Variants in DAZAP1 observed in about 807,000 individuals in gnomAD.
DAZAP1 encodes DAZ-associated protein 1.
In DAZAP1, 6 loss-of-function variants were observed where a neutral mutation model predicts 60.1. That is an observed-to-expected ratio of 0.10 (90% CI 0.05 to 0.20). The LOEUF (loss-of-function observed/expected upper bound fraction) is 0.20. Among genes scored for constraint, DAZAP1 ranks in the 10% least tolerant of loss-of-function variants. DAZAP1 has a pLI of 1.00. For missense variants in DAZAP1, 366 were observed against 560.4 expected (o/e 0.65, Z 3.50); for synonymous variants, 235 against 215.9 (o/e 1.09, Z -0.78).
intron 1 of DAZAP1, among the ~76,000 whole-genome samples, chr19:1,413,960 G>T (rs1357484032): frequency 6.6e-6 from 1 of 151,298 alleles, no homozygotes; most frequent in Non-Finnish European, 1.5e-5. Flanking sequence ...CCTTTGGCAC[G>T]TGGTGCCTCT....
Position 1,423,591 on chromosome 19 carries a change from G to A in DAZAP1, c.463+1195G>A, listed in dbSNP as rs2083220944. On this transcript the variant is annotated intron_variant, in intron 6 of 11. Transcript: ENST00000233078. The surrounding 1 kb of genome is among the most constrained non-coding windows in gnomAD (Gnocchi z 6.8). ...CAGCCGCATTCCTAGACAGCGCTCA[G>A]GGCGCCTCCCCCAGGACCCAGCGCC... Among the ~76,000 whole-genome samples the A allele has an allele frequency of 1.3e-5, 2 of 152,246 alleles. No homozygotes were observed. The highest frequency in any genetic ancestry group is 2.9e-5 in the Non-Finnish European group (2 of 68,046).
intron 10 of DAZAP1, among the ~76,000 whole-genome samples, chr19:1,431,460 A>G (rs2083450773): frequency 6.6e-6 from 1 of 150,802 alleles, no homozygotes; most frequent in African/African-American, 2.5e-5. Flanking sequence ...ATGGAGTTTC[A>G]CTTTTGTTGC....
At chr19:1,415,823 C>A (rs914644605) in intron 1 of DAZAP1, 1 of 152,174 alleles carries the variant, frequency 6.6e-6, no homozygotes, top group African/African-American at 2.4e-5. Context: ...TCAGGAAGCA[C>A]AGGGCGGCTG....
chr19:1,424,120 A>G (rs1216342699), intron 6 of DAZAP1, among the ~76,000 whole-genome samples: 1 of 149,922 alleles, frequency 6.7e-6, no homozygotes, highest in Admixed American at 6.6e-5. Context: ...ACTGAAGGTC[A>G]TGGCCATGTC....
At chr19:1,419,857 CCCGA>C (rs1158992467) in intron 4 of DAZAP1, among the ~76,000 whole-genome samples, 1 of 145,832 alleles carries the variant, frequency 6.9e-6, no homozygotes, top group Non-Finnish European at 1.5e-5. Context: ...GTGAAACCAT[CCCGA>C]CCGTCACGGC....
At chr19:1,421,292 G>T in intron 5 of DAZAP1, 34 bp downstream of exon 5, 1 of 1,591,494 alleles carries the variant, frequency 6.3e-7, no homozygotes. Context: ...GCACTGTGGG[G>T]ACAGAGCCGC....
Position 1,432,960 on chromosome 19 carries a change from T to G in DAZAP1, c.1048+270T>G. On this transcript the variant is annotated intron_variant, in intron 11 of 11. Transcript: ENST00000233078. This position sits in a 1 kb window ranked among gnomAD's most constrained non-coding sequence, Gnocchi z 4.9. ...CATGTGTGGGAACCTGAGTGGCGAC[T>G]GGGTCGAGGGAAGTGAGTCGCAGGC... is the stretch of plus-strand genomic sequence containing the variant. 2.2e-6 allele frequency: 1 copy of G among 463,046 alleles called. No homozygotes were observed. The highest frequency in any genetic ancestry group is 3.9e-6 in the Non-Finnish European group (1 of 259,468). 28.7% of individuals were successfully genotyped at this position (463,046 alleles called of 1,614,324 possible). A position where few individuals can be genotyped will look rare whatever the true frequency, so the allele number is the denominator to read the frequency against.
In DAZAP1 at chr19:1,432,404, G is replaced by C; in HGVS notation, c.872-110G>C. ...CAAGGCCTGGGCGTTCTGTGGGTTT[G>C]GGTGGCAGTCCCGTCTGGGCAGCTC... On this transcript the variant is annotated intron_variant, in intron 10 of 11. Coordinates refer to ENST00000233078, the MANE Select transcript of DAZAP1 (RefSeq NM_018959.4). This position sits in a 1 kb window ranked among gnomAD's most constrained non-coding sequence, Gnocchi z 4.9. 1 of 1,142,672 alleles carries C rather than the reference G, an allele frequency of 8.8e-7. No individual in the cohort carries two copies. Among genetic ancestry groups the C allele is most frequent in the Non-Finnish European group, 1.3e-6 (1 of 769,230 alleles). 70.8% of individuals were successfully genotyped at this position (1,142,672 alleles called of 1,614,324 possible).
intron 6 of DAZAP1, among the ~76,000 whole-genome samples, chr19:1,424,912 C>T (rs904764570): frequency 2.0e-5 from 3 of 152,204 alleles, no homozygotes; most frequent in Non-Finnish European, 4.4e-5. Context: ...CCGGGGAGGC[C>T]TGGAGAGCCC....
chr19:1,417,657 T>C lies in DAZAP1; in HGVS notation c.70+117T>C, dbSNP rs1354747502. The C allele has an allele frequency of 7.2e-6, 7 of 973,898 alleles. No individual in the cohort carries two copies. The African/African-American group carries it at 1.0e-4, about 14-fold the overall frequency. 60.3% of individuals were successfully genotyped at this position (973,898 alleles called of 1,614,324 possible). A position where few individuals can be genotyped will look rare whatever the true frequency, so the allele number is the denominator to read the frequency against. ...TGGATATTTTAAAGTCCTTTTGACG[T>C]TGTTCTGATTTCTGGGCAGGGGACA... On this transcript the variant is annotated intron_variant, in intron 2 of 11. Transcript: ENST00000233078.
chr19:1,429,082 C>T (rs1481922854), intron 8 of DAZAP1, 87 bp downstream of exon 8: 3 of 1,416,680 alleles, frequency 2.1e-6, no homozygotes, highest in Admixed American at 2.8e-5. Context: ...GCTGCGGCCT[C>T]CCCACCTCTG....
At chr19:1,410,625 G>A (rs2082801151) in intron 1 of DAZAP1, among the ~76,000 whole-genome samples, 1 of 152,186 alleles carries the variant, frequency 6.6e-6, no homozygotes. Flanking sequence ...ACATCCTGTT[G>A]AGTAGCCGCT....
In DAZAP1 at chr19:1,422,462, A is replaced by G. The variant is rs1600220198; in HGVS notation, c.463+66A>G. On this transcript the variant is annotated intron_variant, in intron 6 of 11. Transcript: ENST00000233078. The surrounding 1 kb of genome is among the most constrained non-coding windows in gnomAD (Gnocchi z 4.5). Reference sequence around the variant, plus strand: ...CCTCCCTCAGATGGCAAACTATCTCACCCGCCAGGCACACACAGGTGGCGG... The same window carrying G: ...CCTCCCTCAGATGGCAAACTATCTCGCCCGCCAGGCACACACAGGTGGCGG... 1.3e-6 allele frequency: 2 copies of G among 1,482,636 alleles called. No individual in the cohort carries two copies. The highest frequency in any genetic ancestry group is 1.4e-5 in the African/African-American group (1 of 71,876). The allele number at this position is 1,482,636 out of a possible 1,614,324, so 91.8% of individuals were successfully genotyped here. A position where few individuals can be genotyped will look rare whatever the true frequency, so the allele number is the denominator to read the frequency against.
intron 1 of DAZAP1, chr19:1,415,630 C>T (rs946436116): frequency 2.0e-5 from 3 of 152,022 alleles, no homozygotes; most frequent in East Asian, 1.9e-4. Flanking sequence ...GAGTGAGGCA[C>T]GCGGAGGCCT....
chr19:1,419,780 C>T (rs1010676772), intron 4 of DAZAP1, among the ~76,000 whole-genome samples: 3 of 151,968 alleles, frequency 2.0e-5, no homozygotes, highest in African/African-American at 4.8e-5. Context: ...AGCACTCACC[C>T]CACGCACACA....
In DAZAP1 at chr19:1,425,449, C is replaced by T. The variant is rs11666805; in HGVS notation, c.464-429C>T. Among the ~76,000 whole-genome samples the T allele has an allele frequency of 0.1, 15,471 of 152,306 alleles. 1,128 individuals carry two copies. The highest frequency in any genetic ancestry group is 0.33 in the East Asian group (1,730 of 5,170). On this transcript the variant is annotated intron_variant, in intron 6 of 11. Transcript: ENST00000233078. This position sits in a 1 kb window ranked among gnomAD's most constrained non-coding sequence, Gnocchi z 5.4. ...GCCTGCAGGGTTCACTGGCAATCTC[C>T]CCACAGGCGAGAGCCAGAATATTCA...
chr19:1,407,893 GC>G, intron 1 of DAZAP1, 91 bp downstream of exon 1: 16 of 1,002,754 alleles, frequency 1.6e-5, no homozygotes, highest in Non-Finnish European at 1.9e-5. Context: ...CCCCGGGGCC[GC>G]CCCGTCAAGG....
rs1156704288 is a variant in DAZAP1 at position 1,433,627 on chromosome 19, G to T, written c.1048+937G>T. 2 of 851,500 alleles carry T rather than the reference G, an allele frequency of 2.3e-6. No individual in the cohort carries two copies. Among genetic ancestry groups the T allele is most frequent in the African/African-American group, 1.7e-5 (1 of 59,668 alleles). The allele number at this position is 851,500 out of a possible 1,614,324, so 52.7% of individuals were successfully genotyped here. A position where few individuals can be genotyped will look rare whatever the true frequency, so the allele number is the denominator to read the frequency against. On this transcript the variant is annotated intron_variant, in intron 11 of 11. Transcript: ENST00000233078. The surrounding 1 kb of genome is among the most constrained non-coding windows in gnomAD (Gnocchi z 6.1). Reference sequence around the variant, plus strand: ...CCCACTCACCACCAAACCCTGGCGTGTCTGAGACTGGCAGGGGGGTGTGAG... The same window carrying T: ...CCCACTCACCACCAAACCCTGGCGTTTCTGAGACTGGCAGGGGGGTGTGAG...
Position 1,418,442 on chromosome 19 carries a change from G to C in DAZAP1, c.237+72G>C. 6.4e-7 allele frequency: 1 copy of C among 1,565,320 alleles called. No individual in the cohort carries two copies. The highest frequency in any genetic ancestry group is 8.7e-7 in the Non-Finnish European group (1 of 1,142,924). ...CCTTCCTCTGCTTCATTTTTTCCTG[G>C]ACTCTGACCGATGTTTGCGTTAGAG... On this transcript the variant is annotated intron_variant, in intron 3 of 11. Transcript: ENST00000233078. The surrounding 1 kb of genome is among the most constrained non-coding windows in gnomAD (Gnocchi z 5.7).
Sources: gnomAD v4.1 joint callset for allele counts (sites outside exome capture counted in the v4.1 genomes callset) on GRCh38, gnomAD v4.1.1 for gene constraint, Gnocchi (gnomAD v3.1) non-coding constraint, MANE v1.5 for transcripts, NCBI Gene and HGNC (gene_info 2026-07-23, HGNC 2026-07-21) for gene names.